The following MAGI1 variants were observed in gnomAD, a reference collection of about 807,000 sequenced individuals.
The protein encoded by MAGI1 is membrane associated guanylate kinase, WW and PDZ domain containing 1.
A neutral mutation model predicts 139.9 loss-of-function variants in MAGI1; 58 were observed. The observed-to-expected ratio is 0.41, with a 90% CI of 0.34 to 0.52. The LOEUF (loss-of-function observed/expected upper bound fraction) is 0.52. Ranked by LOEUF, MAGI1 falls within the 20% of genes least tolerant of loss-of-function variation. MAGI1 has a pLI of 0.12. For synonymous variants in MAGI1, 812 were observed against 737.9 expected (o/e 1.10, Z -1.63); for missense variants, 1,874 against 1,901.6 (o/e 0.99, Z 0.27).
intron 1 of MAGI1, among the ~76,000 whole-genome samples, chr3:65,823,419 T>C (rs1392473611): frequency 1.3e-5 from 2 of 152,232 alleles, no homozygotes; most frequent in African/African-American, 4.8e-5. Context: ...TCCTAATACA[T>C]AGTAGGAGCT....
rs1447341499 is a variant in MAGI1 at position 65,855,659 on chromosome 3, G to GA, written c.313+182336dup. On this transcript the variant is annotated intron_variant, in intron 1 of 22. Transcript: ENST00000402939. ...AAGGGAGAAACAGAGAGAGAGAAAG[G>GA]AAAAAAAGAGAAAAGAAAGGAAAAG... Among the ~76,000 whole-genome samples, 76 of 71,664 alleles carry GA rather than the reference G, an allele frequency of 1.1e-3. 1 individual carries two copies. Among genetic ancestry groups the GA allele is most frequent in the African/African-American group, 3.9e-3 (72 of 18,526 alleles). 47.0% of individuals were successfully genotyped at this position (71,664 alleles called of 152,430 possible).
At chr3:65,401,391 C>T (rs1575617459) in intron 13 of MAGI1, 48 bp downstream of exon 13, 1 of 1,548,018 alleles carries the variant, frequency 6.5e-7, no homozygotes, top group Non-Finnish European at 8.8e-7. Flanking sequence ...CAGCCCCCCA[C>T]CATCCACCCC....
chr3:65,605,815 A>C (rs1358017410), intron 2 of MAGI1, among the ~76,000 whole-genome samples: 1 of 152,212 alleles, frequency 6.6e-6, no homozygotes, highest in African/African-American at 2.4e-5. Context: ...CAACTGCTCT[A>C]GGAAACATCA....
At chr3:65,593,501 A>G (rs1203251288) in intron 2 of MAGI1, among the ~76,000 whole-genome samples, 1 of 152,222 alleles carries the variant, frequency 6.6e-6, no homozygotes, top group Non-Finnish European at 1.5e-5. Flanking sequence ...TTTACTTCCA[A>G]TAGAATATAG....
chr3:66,021,682 G>A (rs944654530), intron 1 of MAGI1, among the ~76,000 whole-genome samples: 39 of 152,132 alleles, frequency 2.6e-4, no homozygotes, highest in Non-Finnish European at 4.4e-5. Flanking sequence ...CGTAGGTCTG[G>A]GATGGGGTCT....
At chr3:65,444,279 T>C (rs111512317) in intron 7 of MAGI1, among the ~76,000 whole-genome samples, 3,649 of 152,180 alleles carry the variant, frequency 0.024, 68 homozygotes, top group Non-Finnish European at 0.024. Flanking sequence ...CCGATGCAAA[T>C]TGAATGCCTA....
At chr3:65,709,296 A>G (rs1318850676) in intron 1 of MAGI1, among the ~76,000 whole-genome samples, 1 of 152,206 alleles carries the variant, frequency 6.6e-6, no homozygotes, top group African/African-American at 2.4e-5. Flanking sequence ...GCCAGAAATG[A>G]AAACCTGCTA....
At chr3:65,743,307 T>A (rs1469679944) in intron 1 of MAGI1, among the ~76,000 whole-genome samples, 1 of 152,230 alleles carries the variant, frequency 6.6e-6, no homozygotes, top group Non-Finnish European at 1.5e-5. Context: ...GGATATAGTC[T>A]AGAAGATTCC....
At chr3:65,361,383 G>A (rs184376383) in intron 21 of MAGI1, 46 bp from the exon 22 acceptor site, 39 of 1,597,292 alleles carry the variant, frequency 2.4e-5, no homozygotes, top group Middle Eastern at 1.8e-4. Context: ...ATTCATGTAC[G>A]GATTCACCAA....
intron 8 of MAGI1, among the ~76,000 whole-genome samples, chr3:65,442,182 A>G (rs1948389344): frequency 6.6e-6 from 1 of 152,072 alleles, no homozygotes; most frequent in Non-Finnish European, 1.5e-5. Flanking sequence ...CAATGCTAGA[A>G]TAAGGCACAC....
intron 1 of MAGI1, among the ~76,000 whole-genome samples, chr3:66,006,959 T>C (rs112319404): frequency 6.6e-6 from 1 of 152,044 alleles, no homozygotes; most frequent in Non-Finnish European, 1.5e-5. Flanking sequence ...GCCTCCCAAG[T>C]AGCTAGAACT....
chr3:65,696,516 A>C (rs2089206387), intron 1 of MAGI1, among the ~76,000 whole-genome samples: 1 of 152,166 alleles, frequency 6.6e-6, no homozygotes, highest in Non-Finnish European at 1.5e-5. Context: ...TGAATAAATA[A>C]ATGTATTCCC....
In MAGI1 at chr3:65,427,377, C is replaced by T. The variant is rs545058226; in HGVS notation, c.2167+2143G>A. 5.3e-5 allele frequency among the ~76,000 whole-genome samples: 8 copies of T among 152,128 alleles called. No individual in the cohort carries two copies. In the South Asian group the frequency reaches 1.2e-3, roughly 24 times the overall value. ...ATAATCAGTTGTTTGCTGGCTTAGG[C>T]GAATTCATTACAATATGGTTCTAAT... On this transcript the variant is annotated intron_variant, in intron 12 of 22. Transcript: ENST00000402939.
chr3:65,529,082 A>C (rs2078516297), intron 2 of MAGI1, among the ~76,000 whole-genome samples: 1 of 152,026 alleles, frequency 6.6e-6, no homozygotes, highest in Admixed American at 6.6e-5. Context: ...ACAAAAACAA[A>C]ATATTGTCAT....
chr3:65,956,621 GC>G (rs1004987018), intron 1 of MAGI1, among the ~76,000 whole-genome samples: 1 of 152,128 alleles, frequency 6.6e-6, no homozygotes, highest in Non-Finnish European at 1.5e-5. Flanking sequence ...TCAATACCAA[GC>G]GCCGACAAGG....
At chr3:66,002,707 G>C (rs1005905911) in intron 1 of MAGI1, among the ~76,000 whole-genome samples, 1 of 151,960 alleles carries the variant, frequency 6.6e-6, no homozygotes, top group Non-Finnish European at 1.5e-5. Flanking sequence ...GTAGAGACAG[G>C]GTTTCTCCAT....
intron 12 of MAGI1, among the ~76,000 whole-genome samples, chr3:65,419,586 A>G (rs1946496880): frequency 6.6e-6 from 1 of 152,162 alleles, no homozygotes. Flanking sequence ...TTTCTGTTTC[A>G]TTTGGATGTC....
chr3:65,504,038 GTA>G (rs1162104545), intron 2 of MAGI1, among the ~76,000 whole-genome samples: 1 of 152,154 alleles, frequency 6.6e-6, no homozygotes, highest in African/African-American at 2.4e-5. Context: ...CAAAAAGAGA[GTA>G]TATGTTTGTC....
intron 1 of MAGI1, among the ~76,000 whole-genome samples, chr3:65,970,350 GGACT>G (rs2064962413): frequency 1.3e-5 from 2 of 151,944 alleles, no homozygotes; most frequent in African/African-American, 4.8e-5. Flanking sequence ...CAGGAAGTGG[GGACT>G]TAATATGTAA....
Sources: gnomAD v4.1 joint callset for allele counts (sites outside exome capture counted in the v4.1 genomes callset) on GRCh38, gnomAD v4.1.1 for gene constraint, MANE v1.5 for transcripts, NCBI Gene and HGNC (gene_info 2026-07-23, HGNC 2026-07-21) for gene names.